The following C21orf58 variants were observed in gnomAD, a reference collection of about 807,000 sequenced individuals.
C21orf58 encodes the protein chromosome 21 open reading frame 58.
In C21orf58, 34 loss-of-function variants were observed where a neutral mutation model predicts 35.8. The observed-to-expected ratio is 0.95, with a 90% CI of 0.72 to 1.26. C21orf58 has a LOEUF of 1.26. Ranked by LOEUF, C21orf58 falls within the 50% of genes most tolerant of loss-of-function variation. The pLI is 0.00. For synonymous variants in C21orf58, 191 were observed against 175.8 expected, an observed-to-expected ratio of 1.09 and a Z score of -0.68; for missense variants, 440 against 414.3, an observed-to-expected ratio of 1.06 and a Z score of -0.54.
chr21:46,321,564 A>C (rs982534836), intron 1 of C21orf58, among the ~76,000 whole-genome samples: 16 of 152,204 alleles, frequency 1.1e-4, no homozygotes, highest in Admixed American at 8.5e-4. Flanking sequence ...TACTGGGCAG[A>C]TATTTTGAAG....
chr21:46,314,131 G>GTTTTTTTTTTTTTGTT (rs140166854), intron 5 of C21orf58, among the ~76,000 whole-genome samples: 1 of 145,106 alleles, frequency 6.9e-6, no homozygotes. Context: ...GCATGATAAA[G>GTTTTTTTTTTTTTGTT]TTTTTTTTTT....
intron 6 of C21orf58, among the ~76,000 whole-genome samples, chr21:46,304,459 C>A (rs1264147511): frequency 6.6e-6 from 1 of 151,334 alleles, no homozygotes; most frequent in Non-Finnish European, 1.5e-5. Flanking sequence ...GCACTCCAGC[C>A]TGGGCAATGG....
intron 1 of C21orf58, among the ~76,000 whole-genome samples, chr21:46,319,438 G>A (rs1359135671): frequency 6.6e-6 from 1 of 152,230 alleles, no homozygotes; most frequent in Non-Finnish European, 1.5e-5. Context: ...CGCTGGTGCT[G>A]CTGGACATGA....
downstream of C21orf58, chr21:46,300,441 C>T (rs2082074864): frequency 4.8e-6 from 1 of 207,568 alleles, no homozygotes; most frequent in East Asian, 1.4e-4. Flanking sequence ...CAAAAAAAAA[C>T]ATTTTTAATA....
intron 7 of C21orf58, 143 bp from the exon 8 acceptor site, chr21:46,302,297 C>G: frequency 1.1e-5 from 15 of 1,370,556 alleles, no homozygotes; most frequent in Non-Finnish European, 1.4e-5. Flanking sequence ...GGCTCCTCCC[C>G]CGCCCCAAAT....
chr21:46,308,245 G>C (rs920028950), intron 6 of C21orf58, among the ~76,000 whole-genome samples: 2 of 152,072 alleles, frequency 1.3e-5, no homozygotes, highest in Admixed American at 1.3e-4. Flanking sequence ...GGCAGATCAC[G>C]AGGTCAGGAG....
rs1438492325 is a variant in C21orf58 at position 46,302,086 on chromosome 21, G to A, written c.882C>T (p.His294=). 4 of 1,535,694 alleles carry A rather than the reference G, an allele frequency of 2.6e-6. No homozygotes were observed. In the African/African-American group the frequency reaches 5.5e-5, roughly 21 times the overall value. ...ARPRLPAVHH[H]HHHHHAVWPP... is the part of the protein sequence containing the mutation. ...GCCACACAGCATGGTGGTGGTGGTG[G>A]TGGTGGTGCACGGCAGGCAGCCTTG... Residue 294 remains histidine, a synonymous_variant, in exon 8 of 8, where the codon CAC becomes CAT. Transcript: ENST00000291691.
intron 4 of C21orf58, chr21:46,315,200 T>C: frequency 1.6e-6 from 1 of 615,564 alleles, no homozygotes; most frequent in Non-Finnish European, 2.8e-6. Flanking sequence ...TCTCTGCCAC[T>C]CGGATGCATC....
At chr21:46,316,014 G>T (rs531117352) in intron 3 of C21orf58, among the ~76,000 whole-genome samples, 1 of 152,110 alleles carries the variant, frequency 6.6e-6, no homozygotes. Flanking sequence ...GTCCGGGCGT[G>T]GTGGCTCATG....
intron 6 of C21orf58, among the ~76,000 whole-genome samples, chr21:46,309,782 G>A (rs1164774105): frequency 6.6e-6 from 1 of 152,026 alleles, no homozygotes; most frequent in Non-Finnish European, 1.5e-5. Flanking sequence ...GGATCATGAG[G>A]TCAGGAGTTC....
intron 5 of C21orf58, chr21:46,313,024 T>C (rs963620629): frequency 1.0e-6 from 1 of 985,348 alleles, no homozygotes; most frequent in Admixed American, 6.2e-5. Flanking sequence ...CTGCCTGGCC[T>C]TGTCCCTTCT....
chr21:46,318,501 C>G, intron 1 of C21orf58: 1 of 1,328,522 alleles, frequency 7.5e-7, no homozygotes. Flanking sequence ...ACCCCCTATG[C>G]ACCACCAGCC....
At chr21:46,301,085 C>CT (rs75629316), downstream of C21orf58, 112,974 of 735,294 alleles carry the variant, frequency 0.15, 570 homozygotes, top group Non-Finnish European at 0.17. Context: ...AGCACTCTCC[C>CT]TTTTTTTTTT....
At chr21:46,307,567 C>G (rs2082479489) in intron 6 of C21orf58, among the ~76,000 whole-genome samples, 1 of 152,178 alleles carries the variant, frequency 6.6e-6, no homozygotes, top group South Asian at 2.1e-4. Flanking sequence ...TATGATGGCA[C>G]AAGCTATGCT....
downstream of C21orf58, chr21:46,300,615 G>C (rs1036407943): frequency 1.4e-5 from 17 of 1,195,440 alleles, no homozygotes; most frequent in Middle Eastern, 2.7e-4. Context: ...TAGCTGCGCT[G>C]GGCCCTTCGG....
intron 2 of C21orf58, 79 bp downstream of exon 2, chr21:46,317,933 C>A: frequency 6.7e-7 from 1 of 1,498,580 alleles, no homozygotes; most frequent in South Asian, 1.2e-5. Context: ...TCTGCACCTG[C>A]AGGGCTGTCT....
intron 5 of C21orf58, among the ~76,000 whole-genome samples, chr21:46,312,422 G>A (rs144217784): frequency 0.011 from 1,681 of 152,150 alleles, 41 homozygotes; most frequent in African/African-American, 0.039. Context: ...AGGTTCTAGC[G>A]ATTCTCATGC....
chr21:46,311,723 CCATCCATCCAACCAACCATCCACCCACT>C (rs1425091534), intron 5 of C21orf58, 156 bp from the exon 6 acceptor site: 9 of 465,380 alleles, frequency 1.9e-5, no homozygotes, highest in Non-Finnish European at 7.9e-6. Context: ...AACCATCCAC[CCATCCATCCAACCAACCATCCACCCACT>C]CATCCATCCA....
At chr21:46,303,593 T>A in intron 6 of C21orf58, among the ~76,000 whole-genome samples, 1 of 149,170 alleles carries the variant, frequency 6.7e-6, no homozygotes, top group Admixed American at 6.7e-5. Context: ...GGCTCATGCC[T>A]GTGATGCTCG....
Sources: gnomAD v4.1 joint callset for allele counts (sites outside exome capture counted in the v4.1 genomes callset) on GRCh38, gnomAD v4.1.1 for gene constraint, MANE v1.5 for transcripts, NCBI Gene and HGNC (gene_info 2026-07-23, HGNC 2026-07-21) for gene names.